Variants in ERCC4 observed in about 807,000 individuals in gnomAD.
ERCC4 encodes DNA repair endonuclease XPF.
A neutral mutation model predicts 76.9 loss-of-function variants in ERCC4; 65 were observed. That is an observed-to-expected ratio of 0.84 (90% CI 0.69 to 1.04). The LOEUF is 1.04. Among genes scored for constraint, ERCC4 ranks in the 50% least tolerant of loss-of-function variants. The pLI, the probability that ERCC4 is intolerant of heterozygous loss-of-function variation, is 0.00. For synonymous variants in ERCC4, 463 were observed against 410.1 expected (o/e 1.13, Z -1.56); for missense variants, 1,214 against 1,128.2 (o/e 1.08, Z -1.09).
intron 10 of ERCC4, 144 bp downstream of exon 10, chr16:13,944,979 T>C: frequency 1.6e-6 from 1 of 612,966 alleles, no homozygotes; most frequent in Non-Finnish European, 3.0e-6. Flanking sequence ...ACTTCCCTAC[T>C]CTAATCTCAG....
At chr16:13,941,380 G>A (rs2032410742) in intron 9 of ERCC4, among the ~76,000 whole-genome samples, 1 of 152,190 alleles carries the variant, frequency 6.6e-6, no homozygotes, top group Admixed American at 6.5e-5. Flanking sequence ...GGAAACTTGG[G>A]AAATTTGAGA....
In ERCC4 at chr16:13,932,482, A is replaced by G. The variant is rs1239472502; in HGVS notation, c.1102+197A>G. 2.8e-5 allele frequency: 17 copies of G among 616,202 alleles called. No homozygotes were observed. The East Asian group carries it at 4.4e-4, about 16-fold the overall frequency. The allele number at this position is 616,202 out of a possible 1,614,324, so 38.2% of individuals were successfully genotyped here. A position where few individuals can be genotyped will look rare whatever the true frequency, so the allele number is the denominator to read the frequency against. ...AAAGTATATGTGTAATGTATGTCGA[A>G]GTATACAGCATGGCAAGTCTTGCAG... On this transcript the variant is annotated intron_variant, in intron 6 of 10. Transcript: ENST00000311895.
intron 10 of ERCC4, among the ~76,000 whole-genome samples, chr16:13,945,804 G>T (rs2032502242): frequency 6.6e-6 from 1 of 152,188 alleles, no homozygotes; most frequent in Admixed American, 6.5e-5. Context: ...CAGAATGTAA[G>T]GCAGTATGGG....
At position 13,938,661 on chromosome 16, in the gene ERCC4, C is replaced by T. The variant is rs3136169; in HGVS notation, c.1904+803C>T. Among the ~76,000 whole-genome samples, 173 of 152,254 alleles carry T rather than the reference C, an allele frequency of 1.1e-3. 1 individual carries two copies. The highest frequency in any genetic ancestry group is 3.3e-3 in the African/African-American group (138 of 41,548). Reference sequence around the variant, plus strand: ...AGATCAGCAGAGACCATGGCCTGGACGGAGTGGGCTGGGCCAGAGCAAACT... The same window carrying T: ...AGATCAGCAGAGACCATGGCCTGGATGGAGTGGGCTGGGCCAGAGCAAACT... On this transcript the variant is annotated intron_variant, in intron 9 of 10. Coordinates refer to ENST00000311895, the MANE Select transcript of ERCC4 (RefSeq NM_005236.3).
intron 9 of ERCC4, 107 bp downstream of exon 9, chr16:13,937,965 G>A: frequency 1.3e-6 from 1 of 757,046 alleles, no homozygotes; most frequent in Non-Finnish European, 2.3e-6. Flanking sequence ...GAAGACGTTG[G>A]AGAGGATCAC....
rs369626998 is a variant in ERCC4 at position 13,926,552 on chromosome 16, C to A, written c.389-9C>A. On this transcript the variant is annotated splice_polypyrimidine_tract_variant and intron_variant, in intron 2 of 10. Coordinates refer to ENST00000311895, the MANE Select transcript of ERCC4 (RefSeq NM_005236.3). Reference sequence around the variant, plus strand: ...GTTCTGTAGTTTAAATTATGTTTCTCCCCCTCAGGCATCTTGGTGTATAGA... The same window carrying A: ...GTTCTGTAGTTTAAATTATGTTTCTACCCCTCAGGCATCTTGGTGTATAGA... The A allele has an allele frequency of 1.6e-5, 25 of 1,611,346 alleles. No homozygotes were observed. In the African/African-American group the frequency reaches 3.1e-4, roughly 20 times the overall value.
At chr16:13,935,019 T>G (rs2032254599) in intron 7 of ERCC4, 127 bp from the exon 8 acceptor site, 1 of 779,176 alleles carries the variant, frequency 1.3e-6, no homozygotes, top group Non-Finnish European at 2.3e-6. Context: ...TTAAATAGTT[T>G]GTAAATTGTG....
At chr16:13,934,488 C>A in intron 7 of ERCC4, 186 bp downstream of exon 7, 1 of 573,944 alleles carries the variant, frequency 1.7e-6, no homozygotes. Flanking sequence ...CACTGAGATC[C>A]TAGTGGCAAC....
In ERCC4 at chr16:13,948,504, T is replaced by A; in HGVS notation, c.*157T>A. The A allele has an allele frequency of 1.1e-6, 1 of 871,282 alleles. No individual in the cohort carries two copies. Among genetic ancestry groups the A allele is most frequent in the Non-Finnish European group, 1.8e-6 (1 of 556,210 alleles). 54.0% of individuals were successfully genotyped at this position (871,282 alleles called of 1,614,324 possible). A position where few individuals can be genotyped will look rare whatever the true frequency, so the allele number is the denominator to read the frequency against. ...CAGAAGCCAGGATTCCTCTCTGAAC[T>A]CTGCAGTTAGGCATCACTTGAACTT... On this transcript the variant is annotated 3_prime_UTR_variant, in exon 11 of 11. Transcript: ENST00000311895.
intron 9 of ERCC4, among the ~76,000 whole-genome samples, chr16:13,940,033 A>G (rs569064053): frequency 2.6e-5 from 4 of 152,362 alleles, no homozygotes; most frequent in East Asian, 3.9e-4. Context: ...ATGATTCACT[A>G]GAACTCACAT....
chr16:13,923,427 A>AC (rs74684179), intron 2 of ERCC4, among the ~76,000 whole-genome samples: 49,019 of 152,078 alleles, frequency 0.32, 8,058 homozygotes, highest in Middle Eastern at 0.41. Context: ...TCATAATCTT[A>AC]TTCCCACTGT....
At chr16:13,921,302 C>T (rs998761547) in intron 1 of ERCC4, among the ~76,000 whole-genome samples, 22 of 152,060 alleles carry the variant, frequency 1.4e-4, no homozygotes, top group African/African-American at 4.8e-4. Flanking sequence ...CAGTTAAGGA[C>T]AATGGAGAAC....
Position 13,930,762 on chromosome 16 carries a change from A to C in ERCC4, c.845A>C (p.Lys282Thr). ...PLWHQLGAKT[K>T]SLVQDLKILR... is the part of the protein sequence containing the mutation. ...TGGCACCAGCTTGGAGCCAAGACTA[A>C]ATCCTTAGTTCAGGATTTGAAGATA... is the stretch of plus-strand genomic sequence containing the variant. The change falls in exon 5 of 11, where the codon AAA becomes ACA. Residue 282 changes from lysine (K) to threonine (T), a missense_variant. Physicochemically the swap from Lys to Thr is moderately conservative, Grantham distance 78. Transcript: ENST00000311895. 1 of 1,613,662 alleles carries C rather than the reference A, an allele frequency of 6.2e-7. No individual in the cohort carries two copies. Among genetic ancestry groups the C allele is most frequent in the Non-Finnish European group, 8.5e-7 (1 of 1,179,578 alleles).
intron 7 of ERCC4, chr16:13,934,889 C>A (rs1169464564): frequency 1.8e-5 from 7 of 396,758 alleles, no homozygotes; most frequent in Non-Finnish European, 2.7e-5. Flanking sequence ...TCTTTAAAGC[C>A]CCAATTACAC....
At chr16:13,922,537 G>A in intron 2 of ERCC4, 1 of 729,092 alleles carries the variant, frequency 1.4e-6, no homozygotes, top group Non-Finnish European at 2.5e-6. Context: ...CCTGACTGCT[G>A]TGGCCTCCAC....
chr16:13,937,033 C>A (rs2032312997), intron 8 of ERCC4, among the ~76,000 whole-genome samples: 1 of 151,690 alleles, frequency 6.6e-6, no homozygotes, highest in Non-Finnish European at 1.5e-5. Context: ...GTGATTCTCC[C>A]ACATCAGCCC....
Position 13,930,631 on chromosome 16 carries a change from C to G in ERCC4, c.793-79C>G, listed in dbSNP as rs2032153614. 2.8e-6 allele frequency: 3 copies of G among 1,053,674 alleles called. No homozygotes were observed. In the African/African-American group the frequency reaches 4.7e-5, roughly 17 times the overall value. 65.3% of individuals were successfully genotyped at this position (1,053,674 alleles called of 1,614,324 possible). ...CATTTTTAGATACACAGGAAATAAT[C>G]CTTTTGAAAGTATGATTTGTATTAA... On this transcript the variant is annotated intron_variant, in intron 4 of 10. Coordinates refer to ENST00000311895, the MANE Select transcript of ERCC4 (RefSeq NM_005236.3).
rs1261524345 is a variant in ERCC4 at position 13,948,615 on chromosome 16, A to G, written c.*268A>G. ...TAAATGAGGTTTGTCAGGATCAGGT[A>G]AAGTTCCTACAAGTGATTACAGAAG... On this transcript the variant is annotated 3_prime_UTR_variant, in exon 11 of 11. Coordinates refer to ENST00000311895, the MANE Select transcript of ERCC4 (RefSeq NM_005236.3). 1 of 477,148 alleles carries G rather than the reference A, an allele frequency of 2.1e-6. No individual in the cohort carries two copies. The highest frequency in any genetic ancestry group is 3.8e-6 in the Non-Finnish European group (1 of 261,766). The allele number at this position is 477,148 out of a possible 1,614,324, so 29.6% of individuals were successfully genotyped here.
rs1322245038 is a variant in ERCC4, at chr16:13,928,154, A to G, written c.711A>G (p.Leu237=). 9 of 1,613,448 alleles carry G rather than the reference A, an allele frequency of 5.6e-6. No homozygotes were observed. In the East Asian group the frequency reaches 2.0e-4, roughly 36 times the overall value. Residue 237 remains leucine, a synonymous_variant, in exon 4 of 11, where the codon CTA becomes CTG. Coordinates refer to ENST00000311895, the MANE Select transcript of ERCC4 (RefSeq NM_005236.3). Reference sequence around the variant, plus strand: ...TACTGGACATTTTAAATGCATGTCTAAAGGAACTAAAATGCCATAACCCAT... The same window carrying G: ...TACTGGACATTTTAAATGCATGTCTGAAGGAACTAAAATGCCATAACCCAT... ...TAILDILNAC[L]KELKCHNPSL... is the part of the protein sequence containing the mutation.
Sources: allele counts gnomAD v4.1 joint callset (sites outside exome capture counted in the v4.1 genomes callset), GRCh38; gene constraint gnomAD v4.1.1; transcripts MANE v1.5; gene names NCBI Gene and HGNC (gene_info 2026-07-23, HGNC 2026-07-21).